The following TTC28 variants were observed in gnomAD, a reference collection of about 807,000 sequenced individuals.
The protein encoded by TTC28 is tetratricopeptide repeat protein 28.
In TTC28, 61 loss-of-function variants were observed where a neutral mutation model predicts 198.0. That is an observed-to-expected ratio of 0.31 (90% confidence interval 0.25 to 0.38). The LOEUF is 0.38. Ranked by LOEUF, TTC28 falls within the 10% of genes least tolerant of loss-of-function variation. The pLI, the probability that TTC28 is intolerant of heterozygous loss-of-function variation, is 1.00. For missense variants in TTC28, 2,678 were observed against 3,164.0 expected, an observed-to-expected ratio of 0.85 and a Z score of 3.69; for synonymous variants, 1,171 against 1,297.8, an observed-to-expected ratio of 0.90 and a Z score of 2.10.
At chr22:28,315,850 T>A (rs1177375913) in intron 2 of TTC28, among the ~76,000 whole-genome samples, 1 of 152,092 alleles carries the variant, frequency 6.6e-6, no homozygotes, top group Non-Finnish European at 1.5e-5. Flanking sequence ...ACAAAGAGAA[T>A]GAAGGAGCAG....
Position 28,006,144 on chromosome 22 carries a change from C to T in TTC28, c.4219-4591G>A, listed in dbSNP as rs1421250878. ...GGTCAGCCTGCCAAGTCAGGGTGCT[C>T]CCAGCATCTGGAATTGCTAGATGGG... On this transcript the variant is annotated intron_variant, in intron 14 of 22. Transcript: ENST00000397906. 3.3e-5 allele frequency among the ~76,000 whole-genome samples: 5 copies of T among 152,094 alleles called. No homozygotes were observed. The East Asian group carries it at 9.7e-4, about 29-fold the overall frequency.
intron 6 of TTC28, among the ~76,000 whole-genome samples, chr22:28,152,317 C>G (rs1003984202): frequency 6.6e-6 from 1 of 152,144 alleles, no homozygotes; most frequent in Non-Finnish European, 1.5e-5. Flanking sequence ...CATAACTCTT[C>G]TAGTGGTGCT....
intron 2 of TTC28, among the ~76,000 whole-genome samples, chr22:28,369,820 A>G (rs1299310341): frequency 6.6e-6 from 1 of 152,204 alleles, no homozygotes; most frequent in Non-Finnish European, 1.5e-5. Flanking sequence ...TTCAGAATAA[A>G]TGTGTAAAAT....
chr22:28,145,083 T>C (rs538704803), intron 6 of TTC28, among the ~76,000 whole-genome samples: 4 of 152,228 alleles, frequency 2.6e-5, no homozygotes, highest in Admixed American at 6.5e-5. Flanking sequence ...ATAATCTCCT[T>C]AAATCTCTTG....
chr22:28,480,016 T>C (rs2048222404), intron 2 of TTC28, among the ~76,000 whole-genome samples: 1 of 152,148 alleles, frequency 6.6e-6, no homozygotes, highest in South Asian at 2.1e-4. Context: ...ATCTCCTTGC[T>C]GAGGGAGAGA....
At chr22:28,018,571 A>T (rs1938474070) in intron 13 of TTC28, among the ~76,000 whole-genome samples, 1 of 152,128 alleles carries the variant, frequency 6.6e-6, no homozygotes, top group East Asian at 1.9e-4. Context: ...CTTCCTTAGT[A>T]GCTCTTCACG....
chr22:28,281,436 T>C (rs34262300), intron 5 of TTC28, among the ~76,000 whole-genome samples: 7,879 of 152,224 alleles, frequency 0.052, 280 homozygotes, highest in African/African-American at 0.094. Flanking sequence ...CATTTTATTT[T>C]CTTATAGTTT....
chr22:28,500,870 A>G (rs1202992409), intron 2 of TTC28, among the ~76,000 whole-genome samples: 2 of 152,184 alleles, frequency 1.3e-5, no homozygotes, highest in African/African-American at 2.4e-5. Flanking sequence ...AAATGTATCA[A>G]TCACTTGAGA....
chr22:28,158,737 C>A (rs1465176514), intron 6 of TTC28, among the ~76,000 whole-genome samples: 1 of 152,164 alleles, frequency 6.6e-6, no homozygotes, highest in Admixed American at 6.5e-5. Flanking sequence ...AGACCCCTAT[C>A]CCTTGTCGTA....
At chr22:28,079,668 A>T (rs1941276200) in intron 12 of TTC28, among the ~76,000 whole-genome samples, 1 of 152,156 alleles carries the variant, frequency 6.6e-6, no homozygotes, top group Non-Finnish European at 1.5e-5. Context: ...TGATTGGCTC[A>T]TTTCACTTAG....
chr22:28,527,741 T>A (rs1307092666), intron 2 of TTC28, among the ~76,000 whole-genome samples: 1 of 152,174 alleles, frequency 6.6e-6, no homozygotes, highest in Non-Finnish European at 1.5e-5. Flanking sequence ...GATCAAGTGA[T>A]CCTCCCACCT....
intron 2 of TTC28, among the ~76,000 whole-genome samples, chr22:28,386,497 T>A (rs2046597578): frequency 6.6e-6 from 1 of 152,076 alleles, no homozygotes; most frequent in South Asian, 2.1e-4. Context: ...TTAAATTTAA[T>A]TTGCTGACTA....
chr22:28,674,265 GTTT>G (rs943369337), intron 1 of TTC28, among the ~76,000 whole-genome samples: 1 of 107,654 alleles, frequency 9.3e-6, no homozygotes, highest in East Asian at 2.9e-4. Flanking sequence ...TTTCTTTGTG[GTTT>G]TTTTTTTTTT....
chr22:28,587,255 A>G (rs1363629302), intron 2 of TTC28, among the ~76,000 whole-genome samples: 1 of 152,214 alleles, frequency 6.6e-6, no homozygotes, highest in Admixed American at 6.5e-5. Context: ...TCCACTCAGG[A>G]GGCTGAGGCA....
intron 2 of TTC28, among the ~76,000 whole-genome samples, chr22:28,473,955 G>C (rs1390625543): frequency 6.6e-6 from 1 of 152,170 alleles, no homozygotes; most frequent in African/African-American, 2.4e-5. Context: ...CCAGAACTAT[G>C]ATAAAAGAAA....
At position 27,992,527 on chromosome 22, in the gene TTC28, C is replaced by G. The variant is rs1323972627; in HGVS notation, c.5553+60G>C. On this transcript the variant is annotated intron_variant, in intron 19 of 22. Coordinates refer to ENST00000397906, the MANE Select transcript of TTC28 (RefSeq NM_001145418.2). ...GGTTCCTATTTAGGGCCAAGTTGCT[C>G]TGCCTTTCCAAATCAGCATGGGCCT... is the stretch of plus-strand genomic sequence containing the variant. 3 of 1,526,594 alleles carry G rather than the reference C, an allele frequency of 2.0e-6. No individual in the cohort carries two copies. In the East Asian group the frequency reaches 7.4e-5, roughly 37 times the overall value. 94.6% of individuals were successfully genotyped at this position (1,526,594 alleles called of 1,614,324 possible).
intron 5 of TTC28, among the ~76,000 whole-genome samples, chr22:28,236,825 A>T (rs919110842): frequency 6.6e-6 from 1 of 152,218 alleles, no homozygotes; most frequent in African/African-American, 2.4e-5. Context: ...CCACAGGTTC[A>T]AGATTTCAGA....
intron 2 of TTC28, among the ~76,000 whole-genome samples, chr22:28,518,256 C>G (rs568809493): frequency 6.6e-6 from 1 of 152,260 alleles, no homozygotes; most frequent in Admixed American, 6.5e-5. Context: ...GAGATGTTAT[C>G]TGGTTTGTTT....
intron 2 of TTC28, among the ~76,000 whole-genome samples, chr22:28,390,161 G>C (rs1017680567): frequency 3.9e-5 from 6 of 152,212 alleles, no homozygotes; most frequent in African/African-American, 1.4e-4. Flanking sequence ...TTTTGAGTGA[G>C]AATCTTAACC....
Sources: allele counts gnomAD v4.1 joint callset (sites outside exome capture counted in the v4.1 genomes callset), GRCh38; gene constraint gnomAD v4.1.1; transcripts MANE v1.5; gene names NCBI Gene and HGNC (gene_info 2026-07-23, HGNC 2026-07-21).